Variants in USP32 observed in about 807,000 individuals in gnomAD.
USP32 encodes ubiquitin carboxyl-terminal hydrolase 32.
A neutral mutation model predicts 204.8 loss-of-function variants in USP32; 59 were observed. The observed-to-expected ratio is 0.29, with a 90% CI of 0.23 to 0.36. USP32 has a LOEUF of 0.36. Ranked by LOEUF, USP32 falls within the 10% of genes least tolerant of loss-of-function variation. USP32 has a pLI of 1.00. For synonymous variants in USP32, 517 were observed against 678.4 expected, an observed-to-expected ratio of 0.76 and a Z score of 3.70; for missense variants, 1,160 against 1,946.4, an observed-to-expected ratio of 0.60 and a Z score of 7.60.
intron 5 of USP32, among the ~76,000 whole-genome samples, chr17:60,277,429 G>A (rs2086865801): frequency 6.6e-6 from 1 of 152,214 alleles, no homozygotes; most frequent in South Asian, 2.1e-4. Flanking sequence ...TAAAATGGCT[G>A]TAAGCCTTGC....
intron 2 of USP32, among the ~76,000 whole-genome samples, chr17:60,317,718 AAGAG>A (rs1260893715): frequency 6.6e-6 from 1 of 151,832 alleles, no homozygotes; most frequent in Middle Eastern, 3.2e-3. Flanking sequence ...CAGGAGGCTA[AAGAG>A]GGAGGATTGC....
chr17:60,372,529 T>C (rs2089460200), intron 1 of USP32, among the ~76,000 whole-genome samples: 1 of 147,574 alleles, frequency 6.8e-6, no homozygotes, highest in African/African-American at 2.5e-5. Context: ...ATAGTAAAAA[T>C]ATAGCCTTAA....
At chr17:60,226,253 A>G (rs747234011) in intron 12 of USP32, 22 bp from the exon 13 acceptor site, 8 of 1,515,708 alleles carry the variant, frequency 5.3e-6, no homozygotes, top group East Asian at 4.9e-5. Context: ...AAATCAGAGA[A>G]TAAGAAGCAA....
At chr17:60,387,313 T>C (rs1451547558) in intron 1 of USP32, among the ~76,000 whole-genome samples, 1 of 152,230 alleles carries the variant, frequency 6.6e-6, no homozygotes, top group African/African-American at 2.4e-5. Context: ...TACTGAATTA[T>C]CAACTGTTAC....
intron 30 of USP32, 50 bp from the exon 31 acceptor site, chr17:60,183,503 C>A: frequency 6.6e-7 from 1 of 1,514,014 alleles, no homozygotes; most frequent in South Asian, 1.3e-5. Context: ...TCTGAAGATA[C>A]AAAATTTACA....
chr17:60,216,501 T>G (rs1346293569), intron 16 of USP32, among the ~76,000 whole-genome samples: 1 of 152,366 alleles, frequency 6.6e-6, no homozygotes, highest in East Asian at 1.9e-4. Flanking sequence ...AAAAATGCTT[T>G]TAATGAGTCT....
intron 3 of USP32, among the ~76,000 whole-genome samples, chr17:60,299,255 C>T: frequency 6.6e-6 from 1 of 152,294 alleles, no homozygotes. Context: ...AAAATGATCT[C>T]TTTGTCCATT....
At chr17:60,286,960 C>T (rs1036269256) in intron 5 of USP32, among the ~76,000 whole-genome samples, 4 of 152,088 alleles carry the variant, frequency 2.6e-5, no homozygotes, top group African/African-American at 9.7e-5. Flanking sequence ...CCAGCCTGGC[C>T]AACATGGTGA....
intron 2 of USP32, among the ~76,000 whole-genome samples, chr17:60,304,517 A>G (rs2087673524): frequency 6.6e-6 from 1 of 152,198 alleles, no homozygotes; most frequent in Non-Finnish European, 1.5e-5. Flanking sequence ...ATGAAGGTAA[A>G]TATAAAAGCA....
Position 60,178,268 on chromosome 17 carries a change from T to C in USP32, c.*987A>G, listed in dbSNP as rs1487489852. ...CACAAGCAAGTTCATTTGCATGTGT[T>C]CTCTCTTTTTTAAAGTGCAAGACAA... On this transcript the variant is annotated 3_prime_UTR_variant, in exon 34 of 34. Transcript: ENST00000300896. Among the ~76,000 whole-genome samples the C allele has an allele frequency of 1.3e-5, 2 of 152,160 alleles. No homozygotes were observed. Among genetic ancestry groups the C allele is most frequent in the Non-Finnish European group, 2.9e-5 (2 of 68,046 alleles).
chr17:60,203,396 CAAAAA>C (rs554691150), intron 26 of USP32, among the ~76,000 whole-genome samples: 1 of 24,400 alleles, frequency 4.1e-5, no homozygotes, highest in Non-Finnish European at 8.8e-5. Context: ...GCGAGACTGT[CAAAAA>C]AAAAAAAAAA....
intron 15 of USP32, among the ~76,000 whole-genome samples, chr17:60,221,867 G>C (rs568887020): frequency 1.3e-5 from 2 of 152,260 alleles, no homozygotes; most frequent in South Asian, 4.1e-4. Context: ...TAAAAAGTGA[G>C]TGTCCAGAGT....
At chr17:60,320,619 C>T (rs1425884317) in intron 2 of USP32, among the ~76,000 whole-genome samples, 1 of 152,082 alleles carries the variant, frequency 6.6e-6, no homozygotes, top group African/African-American at 2.4e-5. Flanking sequence ...GTGGCCCTGG[C>T]CAGAAATTGA....
At chr17:60,179,463 A>C in intron 33 of USP32, 35 bp from the exon 34 acceptor site, 2 of 1,609,948 alleles carry the variant, frequency 1.2e-6, no homozygotes, top group Non-Finnish European at 1.7e-6. Context: ...ACAAAAAGCC[A>C]TCACTACTAT....
At chr17:60,392,379 G>T, upstream of USP32, 1 of 259,612 alleles carries the variant, frequency 3.9e-6, no homozygotes, top group Non-Finnish European at 7.7e-6. Context: ...ATCTCCGCAC[G>T]TAACGCATCG....
At chr17:60,271,559 T>TG in intron 5 of USP32, 78 bp from the exon 6 acceptor site, 2 of 1,387,032 alleles carry the variant, frequency 1.4e-6, no homozygotes, top group Non-Finnish European at 1.9e-6. Flanking sequence ...ATAATATATC[T>TG]TCCACAGATA....
intron 2 of USP32, among the ~76,000 whole-genome samples, chr17:60,334,934 C>G (rs2145976124): frequency 7.0e-6 from 1 of 142,554 alleles, no homozygotes; most frequent in Non-Finnish European, 1.5e-5. Flanking sequence ...GCTGGGATTA[C>G]AGGCGTGAGC....
At chr17:60,369,156 G>A (rs528254704) in intron 1 of USP32, among the ~76,000 whole-genome samples, 4 of 142,850 alleles carry the variant, frequency 2.8e-5, no homozygotes, top group South Asian at 2.1e-4. Context: ...CACTACGCCC[G>A]GCTAATTTTT....
At chr17:60,366,935 C>T (rs1405271199) in intron 1 of USP32, among the ~76,000 whole-genome samples, 1 of 151,918 alleles carries the variant, frequency 6.6e-6, no homozygotes, top group East Asian at 1.9e-4. Flanking sequence ...CCATTCTCCT[C>T]GTCTAAGCCT....
Sources: gnomAD v4.1 joint callset for allele counts (sites outside exome capture counted in the v4.1 genomes callset) on GRCh38, gnomAD v4.1.1 for gene constraint, MANE v1.5 for transcripts, NCBI Gene and HGNC (gene_info 2026-07-23, HGNC 2026-07-21) for gene names.